Variants in PLOD2 observed in about 807,000 individuals in gnomAD.
PLOD2 encodes the protein lysine hydroxylase 2.
Under a neutral mutation model 101.0 loss-of-function variants are expected in PLOD2, and 65 were observed. The ratio of observed to expected loss-of-function variants is 0.64; its 90% CI spans 0.53 to 0.79. PLOD2 has a LOEUF of 0.79. Ranked by LOEUF, PLOD2 falls within the 30% of genes least tolerant of loss-of-function variation. PLOD2 has a pLI of 0.00. For synonymous variants in PLOD2, 314 were observed against 302.9 expected, an observed-to-expected ratio of 1.04 and a Z score of -0.38; for missense variants, 909 against 914.6, an observed-to-expected ratio of 0.99 and a Z score of 0.08.
chr3:146,109,204 A>G (rs1372132263), intron 4 of PLOD2, among the ~76,000 whole-genome samples: 1 of 152,226 alleles, frequency 6.6e-6, no homozygotes, highest in Non-Finnish European at 1.5e-5. Context: ...ATTTGGAGAA[A>G]AGAAAATGGT....
intron 1 of PLOD2, among the ~76,000 whole-genome samples, chr3:146,156,148 G>T (rs914594357): frequency 1.3e-5 from 2 of 152,262 alleles, no homozygotes; most frequent in East Asian, 3.9e-4. Flanking sequence ...ATGTTTGAAC[G>T]CAAAACACCA....
chr3:146,084,774 A>T (rs1936697208), intron 11 of PLOD2, among the ~76,000 whole-genome samples: 1 of 152,064 alleles, frequency 6.6e-6, no homozygotes, highest in Admixed American at 6.6e-5. Flanking sequence ...TACCTCTGAA[A>T]TTTCCTTCTG....
chr3:146,086,118 C>A (rs1936756527), intron 10 of PLOD2: 1 of 152,226 alleles, frequency 6.6e-6, no homozygotes, highest in Non-Finnish European at 1.5e-5. Flanking sequence ...CTAATCTAGT[C>A]AGAATCCATC....
chr3:146,072,816 A>G (rs988256743), intron 16 of PLOD2, 151 bp from the exon 17 acceptor site: 1 of 635,584 alleles, frequency 1.6e-6, no homozygotes, highest in African/African-American at 1.8e-5. Flanking sequence ...TTTTTTTCTC[A>G]TGGTACATAA....
At chr3:146,087,951 A>G (rs1022340300) in intron 9 of PLOD2, among the ~76,000 whole-genome samples, 3 of 151,842 alleles carry the variant, frequency 2.0e-5, no homozygotes, top group Non-Finnish European at 3.0e-5. Context: ...GTATTAGGAC[A>G]GAAGAGAGAA....
intron 5 of PLOD2, 26 bp from the exon 6 acceptor site, chr3:146,104,368 T>G (rs770713245): frequency 8.4e-7 from 1 of 1,190,092 alleles, no homozygotes; most frequent in Non-Finnish European, 1.3e-6. Context: ...AGAAATGATA[T>G]TGAAAATGAC....
At chr3:146,102,372 C>A (rs1160065289) in intron 7 of PLOD2, among the ~76,000 whole-genome samples, 2 of 152,082 alleles carry the variant, frequency 1.3e-5, no homozygotes, top group African/African-American at 4.8e-5. Flanking sequence ...TGTAATACCC[C>A]AATCTTAACA....
chr3:146,076,935 G>A lies in PLOD2; in HGVS notation c.1564-40C>T, dbSNP rs757927611. The A allele has an allele frequency of 2.1e-6, 3 of 1,401,368 alleles. No homozygotes were observed. The Admixed American group carries it at 5.5e-5, about 26-fold the overall frequency. 86.8% of individuals were successfully genotyped at this position (1,401,368 alleles called of 1,614,324 possible). On this transcript the variant is annotated intron_variant, in intron 14 of 19. Transcript: ENST00000282903. The stretch of plus-strand genomic sequence containing the variant: ...ATAACAGTATTAATCTTAGAGGTAG[G>A]TACAAAAGTAAATTTAATCATAGGA...
intron 2 of PLOD2, 76 bp downstream of exon 2, chr3:146,124,062 G>A: frequency 1.2e-6 from 1 of 800,304 alleles, no homozygotes; most frequent in Non-Finnish European, 2.2e-6. Context: ...GAGGATTACA[G>A]ATTGTACTGC....
chr3:146,075,109 CCCTCACGACTAGAAAACA>C, intron 15 of PLOD2, among the ~76,000 whole-genome samples: 1 of 151,642 alleles, frequency 6.6e-6, no homozygotes, highest in Middle Eastern at 3.4e-3. Context: ...TGGAATTCTA[CCCTCACGACTAGAAAACA>C]CCTCTTTTCA....
chr3:146,113,006 T>C (rs943565172), intron 3 of PLOD2, among the ~76,000 whole-genome samples: 4 of 152,146 alleles, frequency 2.6e-5, no homozygotes, highest in African/African-American at 7.2e-5. Flanking sequence ...AAAAAAGTTA[T>C]AAATGCACTT....
intron 15 of PLOD2, among the ~76,000 whole-genome samples, chr3:146,075,707 T>C (rs1475305214): frequency 6.6e-6 from 1 of 151,568 alleles, no homozygotes; most frequent in Admixed American, 6.6e-5. Context: ...TATTATAATA[T>C]GTGAACTATT....
At chr3:146,102,118 T>C (rs1400300665) in intron 7 of PLOD2, among the ~76,000 whole-genome samples, 4 of 152,228 alleles carry the variant, frequency 2.6e-5, no homozygotes, top group Non-Finnish European at 5.9e-5. Flanking sequence ...CATTTCAGCA[T>C]GTCAGAAGGT....
intron 15 of PLOD2, among the ~76,000 whole-genome samples, chr3:146,074,832 G>T (rs1936275303): frequency 6.6e-6 from 1 of 151,458 alleles, no homozygotes; most frequent in Admixed American, 6.6e-5. Context: ...TCTGATAATG[G>T]GATAATCAAT....
intron 7 of PLOD2, among the ~76,000 whole-genome samples, chr3:146,097,196 G>A (rs1441810291): frequency 1.1e-4 from 17 of 150,572 alleles, no homozygotes; most frequent in Non-Finnish European, 1.8e-4. Context: ...CCCCCCGCCC[G>A]GCCAGCCGCC....
chr3:146,096,705 A>G (rs1937176390), intron 7 of PLOD2, among the ~76,000 whole-genome samples: 1 of 145,284 alleles, frequency 6.9e-6, no homozygotes, highest in Admixed American at 6.7e-5. Flanking sequence ...CCTGTCTGGG[A>G]AGTGAGGAGC....
At chr3:146,103,503 C>T (rs1189290656) in intron 6 of PLOD2, among the ~76,000 whole-genome samples, 11 of 150,948 alleles carry the variant, frequency 7.3e-5, no homozygotes, top group Non-Finnish European at 1.0e-4. Context: ...TTTCTGGCCC[C>T]GGCTGGAGTG....
chr3:146,089,123 T>C (rs948010819), intron 8 of PLOD2, among the ~76,000 whole-genome samples: 1 of 151,748 alleles, frequency 6.6e-6, no homozygotes, highest in East Asian at 1.9e-4. Context: ...CGGCTTAAAG[T>C]TCAGGGCTTA....
At chr3:146,151,630 T>C (rs1275453351) in intron 1 of PLOD2, among the ~76,000 whole-genome samples, 2 of 152,196 alleles carry the variant, frequency 1.3e-5, no homozygotes, top group Admixed American at 1.3e-4. Context: ...GTAGGTTTCC[T>C]GATGCCAGAT....
Sources: gnomAD v4.1 joint callset for allele counts (sites outside exome capture counted in the v4.1 genomes callset) on GRCh38, gnomAD v4.1.1 for gene constraint, MANE v1.5 for transcripts, NCBI Gene and HGNC (gene_info 2026-07-23, HGNC 2026-07-21) for gene names.